The following STMN4 variants were observed in gnomAD, a reference collection of about 807,000 sequenced individuals.
STMN4 encodes stathmin-4.
STMN4 carries 12 observed loss-of-function variants against 29.1 expected under a neutral mutation model. That is an observed-to-expected ratio of 0.41 (90% CI 0.26 to 0.67). The LOEUF is 0.67. Ranked by LOEUF, STMN4 falls within the 30% of genes least tolerant of loss-of-function variation. The pLI is 0.30. For missense variants in STMN4, 181 were observed against 262.8 expected (o/e 0.69, Z 2.15); for synonymous variants, 114 against 105.3 (o/e 1.08, Z -0.51).
intron 1 of STMN4, among the ~76,000 whole-genome samples, chr8:27,255,882 A>G (rs1181868644): frequency 6.6e-6 from 1 of 152,192 alleles, no homozygotes; most frequent in Non-Finnish European, 1.5e-5. Context: ...CTCCACCTCT[A>G]GTCGACAACC....
intron 1 of STMN4, among the ~76,000 whole-genome samples, chr8:27,255,747 TA>T (rs146355147): frequency 0.062 from 9,372 of 152,254 alleles, 399 homozygotes; most frequent in Non-Finnish European, 0.09. Context: ...AAAATGTGGT[TA>T]AAAATGGCCT....
intron 1 of STMN4, among the ~76,000 whole-genome samples, chr8:27,244,135 TCAA>T (rs1420120902): frequency 3.3e-5 from 5 of 152,126 alleles, no homozygotes; most frequent in African/African-American, 1.2e-4. Flanking sequence ...CTGGCCCAAT[TCAA>T]GGGTTAGGGT....
At position 27,241,204 on chromosome 8, in the gene STMN4, G is replaced by T. The variant is rs773669687; in HGVS notation, c.249C>A (p.Asn83Lys). The change falls in exon 5 of 7, where the codon AAC (asparagine) becomes AAA (lysine). Residue 83 changes from asparagine to lysine, a missense_variant. By Grantham distance (94) the Asn-to-Lys change is moderately conservative. Coordinates refer to ENST00000350889, the MANE Select transcript of STMN4 (RefSeq NM_030795.4). Reference protein sequence around the residue: ...VISDMEVIELNKCTSGQSFEV... With the variant: ...VISDMEVIELKKCTSGQSFEV... ...CAAAGGATTGGCCCGAGGTGCATTT[G>T]TTCAGCTCGATGACTTCCATGTCGG... 1 of 1,614,228 alleles carries T rather than the reference G, an allele frequency of 6.2e-7. No homozygotes were observed. The highest frequency in any genetic ancestry group is 8.5e-7 in the Non-Finnish European group (1 of 1,180,038).
chr8:27,239,780 G>C (rs1801410455), intron 6 of STMN4, 191 bp downstream of exon 6: 3 of 1,528,382 alleles, frequency 2.0e-6, no homozygotes, highest in Non-Finnish European at 2.6e-6. Context: ...CCCTGAGTCT[G>C]GTTCCTATTT....
Position 27,236,727 on chromosome 8 carries a change from GGCCACCC to G in STMN4, c.*112_*118del. ...ACCAAAAGCAGAGGAAACGCCCCTT[GGCCACCC>G]CCCTCCCCCCAAACCCCAGTGCTGG... On this transcript the variant is annotated 3_prime_UTR_variant, in exon 7 of 7. Coordinates refer to ENST00000350889, the MANE Select transcript of STMN4 (RefSeq NM_030795.4). 1.2e-6 allele frequency: 1 copy of G among 827,888 alleles called. No homozygotes were observed. Among genetic ancestry groups the G allele is most frequent in the Non-Finnish European group, 1.8e-6 (1 of 561,576 alleles). 51.3% of individuals were successfully genotyped at this position (827,888 alleles called of 1,614,324 possible).
intron 6 of STMN4, among the ~76,000 whole-genome samples, chr8:27,237,215 A>T (rs1801335678): frequency 6.6e-6 from 1 of 152,052 alleles, no homozygotes; most frequent in African/African-American, 2.4e-5. Flanking sequence ...TGTGGTTTGG[A>T]TTAGATCATA....
rs965626669 is a variant in STMN4 at position 27,236,610 on chromosome 8, C to T, written c.*236G>A. 3.2e-4 allele frequency: 128 copies of T among 397,554 alleles called. No individual in the cohort carries two copies. Among genetic ancestry groups the T allele is most frequent in the Non-Finnish European group, 6.7e-5 (15 of 224,346 alleles). 24.6% of individuals were successfully genotyped at this position (397,554 alleles called of 1,614,324 possible). On this transcript the variant is annotated 3_prime_UTR_variant, in exon 7 of 7. Coordinates refer to ENST00000350889, the MANE Select transcript of STMN4 (RefSeq NM_030795.4). ...TTGAGTTCTTCTCCATCTCCCTTTC[C>T]CAAACTCTCTCCTCTCCCCTCTCCC...
intron 1 of STMN4, among the ~76,000 whole-genome samples, chr8:27,257,962 C>A (rs1331813741): frequency 6.6e-6 from 1 of 152,244 alleles, no homozygotes; most frequent in Non-Finnish European, 1.5e-5. Flanking sequence ...AAGGTAAAAA[C>A]ACAGGAGAGC....
chr8:27,239,950 C>A (rs1801417908), intron 6 of STMN4, 21 bp downstream of exon 6: 2 of 1,614,122 alleles, frequency 1.2e-6, no homozygotes, highest in Non-Finnish European at 1.7e-6. Flanking sequence ...GGAAACTCCT[C>A]TCTAGCCAGG....
chr8:27,243,736 T>C lies in STMN4; in HGVS notation c.-13A>G. The C allele has an allele frequency of 6.2e-7, 1 of 1,614,236 alleles. No individual in the cohort carries two copies. Among genetic ancestry groups the C allele is most frequent in the Admixed American group, 1.7e-5 (1 of 60,026 alleles). Reference sequence around the variant, plus strand: ...CAGCAAGGGTCATGTTTCTGGGATCTGGTGGCTGAATCTAGCTGAAAGTTA... The same window carrying C: ...CAGCAAGGGTCATGTTTCTGGGATCCGGTGGCTGAATCTAGCTGAAAGTTA... On this transcript the variant is annotated 5_prime_UTR_variant, in exon 2 of 7. Transcript: ENST00000350889.
intron 1 of STMN4, among the ~76,000 whole-genome samples, 194 bp from the exon 2 acceptor site, chr8:27,243,995 G>A (rs539499947): frequency 6.6e-6 from 1 of 152,292 alleles, no homozygotes; most frequent in Admixed American, 6.5e-5. Flanking sequence ...AACAAGCTCA[G>A]ATTCCATGAA....
chr8:27,254,738 T>C (rs1396020687), intron 1 of STMN4, among the ~76,000 whole-genome samples: 1 of 132,452 alleles, frequency 7.5e-6, no homozygotes, highest in African/African-American at 3.1e-5. Context: ...GTGGGAGCAC[T>C]CATATATGTG....
At chr8:27,258,196 C>T (rs1341613881) in intron 1 of STMN4, among the ~76,000 whole-genome samples, 155 bp downstream of exon 1, 2 of 152,228 alleles carry the variant, frequency 1.3e-5, no homozygotes, top group African/African-American at 4.8e-5. Context: ...GCCTCACCCC[C>T]TTTCCCCCAA....
chr8:27,241,617 C>A, intron 4 of STMN4, 60 bp downstream of exon 4: 2 of 1,602,154 alleles, frequency 1.2e-6, no homozygotes, highest in South Asian at 1.1e-5. Flanking sequence ...CCCCGCCCAC[C>A]CCCGGCCACA....
intron 1 of STMN4, among the ~76,000 whole-genome samples, chr8:27,248,308 A>G (rs978260399): frequency 6.6e-6 from 1 of 152,142 alleles, no homozygotes; most frequent in East Asian, 1.9e-4. Context: ...GTGTGGCCTC[A>G]TCCCAGACTG....
intron 1 of STMN4, among the ~76,000 whole-genome samples, chr8:27,255,710 T>C (rs1801920801): frequency 6.6e-6 from 1 of 152,148 alleles, no homozygotes; most frequent in South Asian, 2.1e-4. Context: ...TTAAAAGTTA[T>C]CAATCAGCCC....
At chr8:27,251,499 C>A (rs1008814989) in intron 1 of STMN4, among the ~76,000 whole-genome samples, 1 of 151,798 alleles carries the variant, frequency 6.6e-6, no homozygotes, top group Non-Finnish European at 1.5e-5. Context: ...ACAGGGCAAG[C>A]CCTTTTAATC....
chr8:27,238,346 A>T (rs532989477), intron 6 of STMN4, among the ~76,000 whole-genome samples: 1 of 152,114 alleles, frequency 6.6e-6, no homozygotes, highest in African/African-American at 2.4e-5. Flanking sequence ...CCCAACTCTC[A>T]CCCAACCTCC....
At chr8:27,245,000 T>C (rs750227860) in intron 1 of STMN4, among the ~76,000 whole-genome samples, 1 of 152,070 alleles carries the variant, frequency 6.6e-6, no homozygotes, top group Non-Finnish European at 1.5e-5. Flanking sequence ...TGAGACCCAC[T>C]TCAAACCCCT....
Sources: allele counts gnomAD v4.1 joint callset (sites outside exome capture counted in the v4.1 genomes callset), GRCh38; gene constraint gnomAD v4.1.1; transcripts MANE v1.5; gene names NCBI Gene and HGNC (gene_info 2026-07-23, HGNC 2026-07-21).